Variants in ABTB2 observed in about 807,000 individuals in gnomAD.
The protein encoded by ABTB2 is ankyrin repeat and BTB domain containing 2.
A neutral mutation model predicts 104.1 loss-of-function variants in ABTB2; 56 were observed. The ratio of observed to expected loss-of-function variants is 0.54; its 90% CI spans 0.43 to 0.67. The LOEUF (loss-of-function observed/expected upper bound fraction) is 0.67, where lower values mean the gene tolerates loss of function less well. Ranked by LOEUF, ABTB2 falls within the 30% of genes least tolerant of loss-of-function variation. The pLI is 0.00. For missense variants in ABTB2, 1,279 were observed against 1,407.7 expected (o/e 0.91, Z 1.46); for synonymous variants, 606 against 608.2 (o/e 1.00, Z 0.05).
At chr11:34,343,810 C>T (rs926969164) in intron 1 of ABTB2, among the ~76,000 whole-genome samples, 15 of 152,106 alleles carry the variant, frequency 9.9e-5, no homozygotes, top group African/African-American at 2.7e-4. Flanking sequence ...ATAATACTAA[C>T]GTGAATCTAG....
At chr11:34,256,885 G>T (rs970613741) in intron 1 of ABTB2, among the ~76,000 whole-genome samples, 3 of 152,142 alleles carry the variant, frequency 2.0e-5, no homozygotes, top group Non-Finnish European at 4.4e-5. Flanking sequence ...GACTGTCATG[G>T]CTGTGCAGCT....
At chr11:34,212,892 G>A (rs1169867146) in intron 1 of ABTB2, among the ~76,000 whole-genome samples, 1 of 152,162 alleles carries the variant, frequency 6.6e-6, no homozygotes, top group African/African-American at 2.4e-5. Context: ...CTTAACAACT[G>A]CTTAAGAAGC....
chr11:34,202,815 G>T (rs1376084424), intron 2 of ABTB2, among the ~76,000 whole-genome samples: 1 of 151,908 alleles, frequency 6.6e-6, no homozygotes, highest in Non-Finnish European at 1.5e-5. Flanking sequence ...CTCCAGCCTG[G>T]GTGACAGAGC....
intron 14 of ABTB2, among the ~76,000 whole-genome samples, chr11:34,155,164 C>T (rs928569843): frequency 5.9e-5 from 9 of 152,258 alleles, no homozygotes; most frequent in African/African-American, 7.2e-5. Context: ...TGCCTGGCCC[C>T]GTGTGGCTCA....
At chr11:34,291,820 T>TA (rs1192516190) in intron 1 of ABTB2, among the ~76,000 whole-genome samples, 8 of 152,122 alleles carry the variant, frequency 5.3e-5, no homozygotes, top group Non-Finnish European at 8.8e-5. Flanking sequence ...TTTTAATTTT[T>TA]AAAAAATTAT....
At chr11:34,206,385 A>G (rs1853407920) in intron 1 of ABTB2, among the ~76,000 whole-genome samples, 1 of 151,388 alleles carries the variant, frequency 6.6e-6, no homozygotes, top group Non-Finnish European at 1.5e-5. Context: ...CTCAAAAAAC[A>G]AAACAAAACA....
At chr11:34,177,255 C>T (rs942039391) in intron 3 of ABTB2, among the ~76,000 whole-genome samples, 2 of 152,176 alleles carry the variant, frequency 1.3e-5, no homozygotes, top group Non-Finnish European at 2.9e-5. Flanking sequence ...GGTTCATCCC[C>T]CTGCCTCATG....
At chr11:34,344,178 G>A (rs1226960077) in intron 1 of ABTB2, among the ~76,000 whole-genome samples, 1 of 152,122 alleles carries the variant, frequency 6.6e-6, no homozygotes, top group East Asian at 1.9e-4. Flanking sequence ...AGAATTGAAG[G>A]ACACAGACGC....
intron 1 of ABTB2, among the ~76,000 whole-genome samples, chr11:34,346,335 C>T (rs1273478116): frequency 1.3e-5 from 2 of 152,044 alleles, no homozygotes; most frequent in African/African-American, 4.8e-5. Flanking sequence ...GGGCTTCAAG[C>T]ACATGCTATA....
At chr11:34,278,455 AC>A (rs1348881716) in intron 1 of ABTB2, among the ~76,000 whole-genome samples, 1 of 152,166 alleles carries the variant, frequency 6.6e-6, no homozygotes, top group Non-Finnish European at 1.5e-5. Flanking sequence ...TGGCCATGGA[AC>A]CTTTTCCTGT....
intron 1 of ABTB2, among the ~76,000 whole-genome samples, chr11:34,308,815 G>A (rs1455988062): frequency 1.5e-5 from 2 of 137,194 alleles, no homozygotes; most frequent in African/African-American, 5.4e-5. Context: ...AAGTTGCAGT[G>A]AGCTGAGATC....
intron 1 of ABTB2, among the ~76,000 whole-genome samples, chr11:34,268,101 T>A (rs2133078679): frequency 6.6e-6 from 1 of 152,254 alleles, no homozygotes; most frequent in South Asian, 2.1e-4. Flanking sequence ...CGGCTAACTT[T>A]TTAATTTTTT....
At chr11:34,293,383 C>G (rs1299363225) in intron 1 of ABTB2, among the ~76,000 whole-genome samples, 3 of 152,110 alleles carry the variant, frequency 2.0e-5, no homozygotes, top group Non-Finnish European at 4.4e-5. Flanking sequence ...CGAAGTGACT[C>G]TCAGAGCCAG....
intron 11 of ABTB2, 35 bp downstream of exon 11, chr11:34,160,868 C>T (rs373513180): frequency 5.7e-5 from 89 of 1,568,600 alleles, no homozygotes; most frequent in African/African-American, 4.2e-4. Flanking sequence ...GAGTCTGGGC[C>T]GTGGGCTTGG....
intron 1 of ABTB2, among the ~76,000 whole-genome samples, chr11:34,247,812 A>G (rs1266187393): frequency 6.6e-6 from 1 of 152,238 alleles, no homozygotes; most frequent in Non-Finnish European, 1.5e-5. Flanking sequence ...ACCTCCTATG[A>G]GAAAACATTT....
chr11:34,174,571 C>T (rs1852936933), intron 3 of ABTB2, among the ~76,000 whole-genome samples: 2 of 152,370 alleles, frequency 1.3e-5, no homozygotes, highest in South Asian at 4.1e-4. Flanking sequence ...CCGCCCCTGC[C>T]CTCGGCGAGC....
At chr11:34,215,968 A>G (rs1853545023) in intron 1 of ABTB2, among the ~76,000 whole-genome samples, 1 of 152,196 alleles carries the variant, frequency 6.6e-6, no homozygotes, top group East Asian at 1.9e-4. Flanking sequence ...ATTGTGATTT[A>G]CTCACCACAG....
At chr11:34,309,054 A>G (rs746879205) in intron 1 of ABTB2, among the ~76,000 whole-genome samples, 2 of 152,186 alleles carry the variant, frequency 1.3e-5, no homozygotes, top group Non-Finnish European at 2.9e-5. Flanking sequence ...ATAGGCTGAG[A>G]TTTCAGCAGA....
At chr11:34,238,028 T>C (rs1385355166) in intron 1 of ABTB2, among the ~76,000 whole-genome samples, 1 of 152,252 alleles carries the variant, frequency 6.6e-6, no homozygotes, top group Non-Finnish European at 1.5e-5. Flanking sequence ...ATATCTCATG[T>C]ACCTCATAAA....
Sources: gnomAD v4.1 joint callset for allele counts (sites outside exome capture counted in the v4.1 genomes callset) on GRCh38, gnomAD v4.1.1 for gene constraint, MANE v1.5 for transcripts, NCBI Gene and HGNC (gene_info 2026-07-23, HGNC 2026-07-21) for gene names.